The following YJU2B variants were observed in gnomAD, a reference collection of about 807,000 sequenced individuals.
YJU2B encodes probable splicing factor YJU2B.
In YJU2B, 18 loss-of-function variants were observed where a neutral mutation model predicts 38.0. That is an observed-to-expected ratio of 0.47 (90% CI 0.33 to 0.70). The LOEUF (loss-of-function observed/expected upper bound fraction) is 0.70. YJU2B is among the 30% of genes least tolerant of loss of function. The probability of loss-of-function intolerance (pLI) is 0.02; values close to 1 mark genes in which losing one functional copy is unlikely to be tolerated. For synonymous variants in YJU2B, 246 were observed against 225.4 expected (o/e 1.09, Z -0.82); for missense variants, 538 against 556.3 (o/e 0.97, Z 0.33).
intron 3 of YJU2B, 34 bp from the exon 4 acceptor site, chr19:13,756,163 C>G (rs1468884889): frequency 6.4e-7 from 1 of 1,568,296 alleles, no homozygotes; most frequent in Admixed American, 1.7e-5. Context: ...TCCAGCTCAG[C>G]AGCACTAATC....
At chr19:13,738,069 A>G (rs752130363) in intron 2 of YJU2B, among the ~76,000 whole-genome samples, 1 of 152,120 alleles carries the variant, frequency 6.6e-6, no homozygotes, top group Admixed American at 6.6e-5. Flanking sequence ...GGACACAGTG[A>G]TTCTTGTGAT....
chr19:13,751,112 C>T (rs1264589182), intron 1 of YJU2B, among the ~76,000 whole-genome samples: 3 of 151,956 alleles, frequency 2.0e-5, no homozygotes, highest in Non-Finnish European at 4.4e-5. Context: ...GAGAGTGACA[C>T]GTTTGTTCAT....
At chr19:13,758,821 G>A (rs1303822854) in intron 6 of YJU2B, 47 bp from the exon 7 acceptor site, 7 of 1,603,398 alleles carry the variant, frequency 4.4e-6, no homozygotes, top group Non-Finnish European at 6.0e-6. Flanking sequence ...GGGCTGTCCT[G>A]GTGCACAGCC....
At chr19:13,750,798 T>G (rs981223704) in intron 1 of YJU2B, among the ~76,000 whole-genome samples, 13 of 134,684 alleles carry the variant, frequency 9.7e-5, no homozygotes, top group African/African-American at 3.5e-4. Context: ...GAGGCAGAGA[T>G]AGTGAGCCAA....
chr19:13,742,594 C>G (rs967104156), intron 2 of YJU2B, among the ~76,000 whole-genome samples: 1 of 152,150 alleles, frequency 6.6e-6, no homozygotes, highest in African/African-American at 2.4e-5. Flanking sequence ...TTCCCTGTAT[C>G]AATTCCTTTG....
At chr19:13,745,019 G>T (rs186860304), upstream of YJU2B, among the ~76,000 whole-genome samples, 54 of 152,148 alleles carry the variant, frequency 3.5e-4, no homozygotes, top group Non-Finnish European at 5.9e-5. Flanking sequence ...ATTTTTCTGG[G>T]GTCTCATGGT....
chr19:13,740,007 T>C (rs911331826), intron 2 of YJU2B, among the ~76,000 whole-genome samples: 13 of 152,182 alleles, frequency 8.5e-5, no homozygotes, highest in Admixed American at 4.6e-4. Flanking sequence ...GTTTGGTTTC[T>C]GTATGTTTAC....
intron 2 of YJU2B, among the ~76,000 whole-genome samples, chr19:13,738,663 G>A (rs1301834655): frequency 1.3e-5 from 2 of 151,868 alleles, no homozygotes; most frequent in African/African-American, 2.4e-5. Flanking sequence ...AGGCCGAGGC[G>A]GGCAGATCAC....
chr19:13,757,575 G>A, intron 5 of YJU2B, 102 bp downstream of exon 5: 1 of 1,181,172 alleles, frequency 8.5e-7, no homozygotes, highest in South Asian at 1.3e-5. Flanking sequence ...CAGGAATGAG[G>A]GAGGAGACGG....
Position 13,762,176 on chromosome 19 carries a change from C to T in YJU2B, c.574-123C>T, listed in dbSNP as rs189112586. On this transcript the variant is annotated intron_variant, in intron 8 of 9. Transcript: ENST00000221554. Reference sequence around the variant, plus strand: ...TGCCACTGCACTCCAGTCTGGGCGACAGAATGAAACTGTCTCAAAAAGAGT... The same window carrying T: ...TGCCACTGCACTCCAGTCTGGGCGATAGAATGAAACTGTCTCAAAAAGAGT... The T allele has an allele frequency of 2.9e-4, 350 of 1,197,570 alleles. 2 individuals carry two copies. The East Asian group carries it at 6.5e-3, about 22-fold the overall frequency. The allele number at this position is 1,197,570 out of a possible 1,614,324, so 74.2% of individuals were successfully genotyped here. A position where few individuals can be genotyped will look rare whatever the true frequency, so the allele number is the denominator to read the frequency against.
intron 6 of YJU2B, among the ~76,000 whole-genome samples, chr19:13,758,166 C>A (rs1973741661): frequency 6.6e-6 from 1 of 152,212 alleles, no homozygotes; most frequent in African/African-American, 2.4e-5. Context: ...CACCTCTGTG[C>A]TTCCACCTGG....
At chr19:13,754,256 C>T (rs378189) in intron 2 of YJU2B, 33 bp from the exon 3 acceptor site, 519,110 of 1,585,276 alleles carry the variant, frequency 0.33, 87,082 homozygotes, top group East Asian at 0.47. Context: ...ATATCAGCCT[C>T]TCTCTGAGTC....
At chr19:13,749,700 T>G (rs1350137193) in intron 1 of YJU2B, among the ~76,000 whole-genome samples, 1 of 150,574 alleles carries the variant, frequency 6.6e-6, no homozygotes, top group Non-Finnish European at 1.5e-5. Flanking sequence ...TGGCGCAATC[T>G]TTGCTCACTG....
intron 8 of YJU2B, 90 bp downstream of exon 8, chr19:13,759,362 G>C (rs1380483363): frequency 3.8e-6 from 4 of 1,061,134 alleles, no homozygotes; most frequent in Non-Finnish European, 5.4e-6. Context: ...CTAGCTTTGA[G>C]CAGGCCACTG....
At chr19:13,735,356 A>G (rs1310441990) in intron 2 of YJU2B, among the ~76,000 whole-genome samples, 1 of 152,166 alleles carries the variant, frequency 6.6e-6, no homozygotes, top group African/African-American at 2.4e-5. Context: ...TTCTACCATT[A>G]CAAGCTCTGT....
upstream of YJU2B, among the ~76,000 whole-genome samples, chr19:13,744,613 G>A (rs1973180287): frequency 6.6e-6 from 1 of 152,102 alleles, no homozygotes; most frequent in Non-Finnish European, 1.5e-5. Context: ...TTGGGGTCTC[G>A]TAAAAAAGGG....
intron 2 of YJU2B, among the ~76,000 whole-genome samples, chr19:13,740,686 G>A (rs1025746521): frequency 1.3e-5 from 2 of 152,046 alleles, no homozygotes; most frequent in South Asian, 2.1e-4. Context: ...ACATGCGTGC[G>A]CCACCACGCC....
chr19:13,745,846 A>G (rs921843047), upstream of YJU2B, among the ~76,000 whole-genome samples: 1 of 151,826 alleles, frequency 6.6e-6, no homozygotes, highest in African/African-American at 2.4e-5. Flanking sequence ...CACTGAGAAA[A>G]GAGTGTGTTC....
Position 13,741,738 on chromosome 19 carries a change from C to CAAACA in YJU2B, c.-202+9472_-202+9476dup, listed in dbSNP as rs550984868. On this transcript the variant is annotated intron_variant, in intron 2 of 10. Transcript: ENST00000586600. ...GTGGAGACCCTGTCTCAAACCAAAC[C>CAAACA]AAACAAAACAAAACAAAACAAAAGA... 9.1e-3 allele frequency among the ~76,000 whole-genome samples: 1,358 copies of CAAACA among 149,684 alleles called. 17 individuals carry two copies. The highest frequency in any genetic ancestry group is 0.033 in the African/African-American group (1,278 of 39,194).
Sources: allele counts gnomAD v4.1 joint callset (sites outside exome capture counted in the v4.1 genomes callset), GRCh38; gene constraint gnomAD v4.1.1; transcripts MANE v1.5; gene names NCBI Gene and HGNC (gene_info 2026-07-23, HGNC 2026-07-21).